Variants in NDUFAF5 observed in about 807,000 individuals in gnomAD.
NDUFAF5 encodes NADH:ubiquinone oxidoreductase complex assembly factor 5.
A neutral mutation model predicts 48.9 loss-of-function variants in NDUFAF5; 34 were observed. That is an observed-to-expected ratio of 0.70 (90% CI 0.53 to 0.93). NDUFAF5 has a LOEUF of 0.93. Among genes scored for constraint, NDUFAF5 ranks in the 40% least tolerant of loss-of-function variants. The pLI is 0.00. For synonymous variants in NDUFAF5, 153 were observed against 150.6 expected (o/e 1.02, Z -0.12); for missense variants, 428 against 427.5 (o/e 1.00, Z -0.01).
chr20:13,803,803 G>C (rs958639685), intron 7 of NDUFAF5, among the ~76,000 whole-genome samples: 8 of 150,846 alleles, frequency 5.3e-5, no homozygotes, highest in Admixed American at 2.6e-4. Flanking sequence ...TTTTTTTGGG[G>C]GGGGGACAGT....
intron 7 of NDUFAF5, among the ~76,000 whole-genome samples, chr20:13,802,957 C>T (rs1367390924): frequency 1.3e-5 from 2 of 152,194 alleles, no homozygotes; most frequent in African/African-American, 4.8e-5. Context: ...TTCCAAACCC[C>T]TCAGGCCTAG....
rs150075486 is a variant in NDUFAF5 at position 13,785,075 on chromosome 20, C to G, written c.7C>G (p.Arg3Gly). ML[R>G]PAGLWRLCRR... is the part of the protein sequence containing the mutation. ...ATTGGGGTCGCAGCTGGAGATGCTGCGGCCGGCAGGGCTCTGGCGCTTATG... is the reference window on the plus strand; with the variant it reads ...ATTGGGGTCGCAGCTGGAGATGCTGGGGCCGGCAGGGCTCTGGCGCTTATG... The change falls in exon 1 of 11, where the codon CGG becomes GGG. Residue 3 changes from arginine (R) to glycine (G), a missense_variant. Physicochemically the swap from Arg to Gly is moderately radical, Grantham distance 125. Coordinates refer to ENST00000378106, the MANE Select transcript of NDUFAF5 (RefSeq NM_024120.5). 1.9e-5 allele frequency: 31 copies of G among 1,611,104 alleles called. No individual in the cohort carries two copies. The highest frequency in any genetic ancestry group is 4.0e-5 in the African/African-American group (3 of 74,898).
rs138266185 is a variant in NDUFAF5, at chr20:13,792,180, C to T, written c.328-1000C>T. On this transcript the variant is annotated intron_variant, in intron 3 of 10. Coordinates refer to ENST00000378106, the MANE Select transcript of NDUFAF5 (RefSeq NM_024120.5). ...ATCCTGTCCATCTAATTCTTCACCC[C>T]TCACAGGAGTGTGCTGGAGCTGGCT... 7.8e-3 allele frequency among the ~76,000 whole-genome samples: 1,188 copies of T among 152,342 alleles called. 9 individuals carry two copies. The highest frequency in any genetic ancestry group is 0.024 in the Middle Eastern group (7 of 294).
At chr20:13,787,792 C>T (rs940815912) in intron 2 of NDUFAF5, among the ~76,000 whole-genome samples, 5 of 152,220 alleles carry the variant, frequency 3.3e-5, no homozygotes, top group African/African-American at 1.2e-4. Context: ...ATAATTTTGA[C>T]AAAGCTTTTT....
intron 8 of NDUFAF5, among the ~76,000 whole-genome samples, chr20:13,810,817 G>A (rs1320396479): frequency 6.6e-6 from 1 of 152,114 alleles, no homozygotes; most frequent in Admixed American, 6.6e-5. Flanking sequence ...GAAGGGAGAA[G>A]AGGTAGCACC....
At chr20:13,811,254 G>A (rs1348781349) in intron 8 of NDUFAF5, among the ~76,000 whole-genome samples, 1 of 152,152 alleles carries the variant, frequency 6.6e-6, no homozygotes. Context: ...GGTCACGGTT[G>A]AAGTTCCTGA....
chr20:13,816,512 A>G lies in NDUFAF5; in HGVS notation c.828A>G (p.Arg276=), dbSNP rs1356023692. The G allele has an allele frequency of 5.0e-6, 8 of 1,614,010 alleles. No homozygotes were observed. Among genetic ancestry groups the G allele is most frequent in the Non-Finnish European group, 6.8e-6 (8 of 1,179,976 alleles). ...GGAATAGAAAAGCCCTGCTGCATCG[A>G]GACACAATGCTGGCAGCTGCGGCAG... ...CAWNRKALLH[R]DTMLAAAAVY... The change falls in exon 9 of 11, where the codon CGA becomes CGG. Residue 276 remains arginine (R), a synonymous_variant. Coordinates refer to ENST00000378106, the MANE Select transcript of NDUFAF5 (RefSeq NM_024120.5).
chr20:13,797,208 T>C (rs950077645), intron 5 of NDUFAF5, among the ~76,000 whole-genome samples: 1 of 152,178 alleles, frequency 6.6e-6, no homozygotes, highest in African/African-American at 2.4e-5. Flanking sequence ...CTAAACATAC[T>C]CTTAGCGTAC....
At chr20:13,809,062 T>A in intron 8 of NDUFAF5, 160 bp downstream of exon 8, 1 of 631,916 alleles carries the variant, frequency 1.6e-6, no homozygotes, top group South Asian at 1.8e-5. Context: ...GCAGACTGTC[T>A]TCATGGAGCT....
chr20:13,804,475 C>T (rs1444717715), intron 7 of NDUFAF5, among the ~76,000 whole-genome samples: 1 of 151,850 alleles, frequency 6.6e-6, no homozygotes, highest in East Asian at 1.9e-4. Flanking sequence ...TATGTATTCA[C>T]ACATTTCTGA....
chr20:13,786,217 C>A (rs1267540145), intron 1 of NDUFAF5, among the ~76,000 whole-genome samples: 1 of 152,212 alleles, frequency 6.6e-6, no homozygotes, highest in Non-Finnish European at 1.5e-5. Flanking sequence ...GAACTCATAG[C>A]TTGAGCAGAG....
intron 2 of NDUFAF5, among the ~76,000 whole-genome samples, chr20:13,788,239 G>A (rs1394456115): frequency 6.6e-6 from 1 of 152,184 alleles, no homozygotes; most frequent in Non-Finnish European, 1.5e-5. Context: ...GATAATTATT[G>A]ATAAGTATGT....
chr20:13,799,669 A>G (rs1011982831), intron 6 of NDUFAF5, among the ~76,000 whole-genome samples: 1 of 150,958 alleles, frequency 6.6e-6, no homozygotes, highest in Non-Finnish European at 1.5e-5. Flanking sequence ...ATTGCACTCC[A>G]GCCTAGACGA....
chr20:13,788,389 G>A (rs1300917605), intron 2 of NDUFAF5, among the ~76,000 whole-genome samples, 200 bp from the exon 3 acceptor site: 3 of 152,276 alleles, frequency 2.0e-5, no homozygotes, highest in African/African-American at 4.8e-5. Context: ...TCATCACAAG[G>A]TCCTGTGAAT....
chr20:13,816,770 C>G (rs1986513175), intron 9 of NDUFAF5, 105 bp from the exon 10 acceptor site: 2 of 816,412 alleles, frequency 2.4e-6, no homozygotes, highest in Admixed American at 1.9e-5. Context: ...CAGAATCTTA[C>G]AAGTATCCTT....
In NDUFAF5 at chr20:13,820,316, GT is replaced by G. The variant is rs1986895337; in HGVS notation, c.*3109del. On this transcript the variant is annotated 3_prime_UTR_variant, in exon 11 of 11. Transcript: ENST00000378106. ...GAGTCATGAAGTACCTGTGAGGGAA[GT>G]TTATATATTTTTTCAAACTCTTTTA... 1.3e-5 allele frequency: 2 copies of G among 152,148 alleles called. No individual in the cohort carries two copies. The highest frequency in any genetic ancestry group is 1.3e-4 in the Admixed American group (2 of 15,274). The allele number at this position is 152,148 out of a possible 1,614,324, so 9.4% of individuals were successfully genotyped here. A position where few individuals can be genotyped will look rare whatever the true frequency, so the allele number is the denominator to read the frequency against.
chr20:13,800,885 C>G (rs6079178), intron 6 of NDUFAF5, among the ~76,000 whole-genome samples: 25,389 of 152,164 alleles, frequency 0.17, 2,705 homozygotes, highest in Non-Finnish European at 0.24. Context: ...GATCTCTGCC[C>G]TACATCTCTC....
chr20:13,804,450 T>TTATA (rs1231840518), intron 7 of NDUFAF5, among the ~76,000 whole-genome samples: 2 of 152,136 alleles, frequency 1.3e-5, no homozygotes, highest in Non-Finnish European at 2.9e-5. Context: ...AAGGACTACT[T>TTATA]TATATAGACA....
intron 7 of NDUFAF5, among the ~76,000 whole-genome samples, chr20:13,807,002 C>A (rs1426001663): frequency 1.3e-5 from 2 of 152,076 alleles, no homozygotes; most frequent in African/African-American, 4.8e-5. Context: ...ATGCCTCTGC[C>A]TCCCAAATAG....
Sources: allele counts gnomAD v4.1 joint callset (sites outside exome capture counted in the v4.1 genomes callset), GRCh38; gene constraint gnomAD v4.1.1; transcripts MANE v1.5; gene names NCBI Gene and HGNC (gene_info 2026-07-23, HGNC 2026-07-21).